The following RNF144B variants were observed in gnomAD, a reference collection of about 807,000 sequenced individuals.
The protein encoded by RNF144B is ring finger protein 144B.
A neutral mutation model predicts 40.2 loss-of-function variants in RNF144B; 25 were observed. The ratio of observed to expected loss-of-function variants is 0.62; its 90% CI spans 0.45 to 0.87. The LOEUF (loss-of-function observed/expected upper bound fraction) is 0.87. Among genes scored for constraint, RNF144B ranks in the 40% least tolerant of loss-of-function variants. The pLI is 0.00. For synonymous variants in RNF144B, 145 were observed against 136.3 expected, an observed-to-expected ratio of 1.06 and a Z score of -0.44; for missense variants, 365 against 373.7, an observed-to-expected ratio of 0.98 and a Z score of 0.19.
intron 4 of RNF144B, among the ~76,000 whole-genome samples, chr6:18,454,382 G>A (rs747522735): frequency 5.3e-5 from 8 of 152,182 alleles, no homozygotes; most frequent in Non-Finnish European, 7.3e-5. Context: ...TTGAATAGAC[G>A]CTCTACAGAG....
Position 18,412,250 on chromosome 6 carries a change from C to T in RNF144B, c.165+12551C>T, listed in dbSNP as rs375900005. Among the ~76,000 whole-genome samples the T allele has an allele frequency of 1.1e-3, 169 of 152,188 alleles. No homozygotes were observed. The highest frequency in any genetic ancestry group is 3.5e-3 in the African/African-American group (147 of 41,494). ...AACAGAGGCCTCTCTTTTGACACTC[C>T]GGGTATTTTCCAACTTTTCACCTTC... On this transcript the variant is annotated intron_variant, in intron 2 of 7. Transcript: ENST00000259939. This position sits in a 1 kb window ranked among gnomAD's most constrained non-coding sequence, Gnocchi z 4.2.
Position 18,464,292 on chromosome 6 carries a change from TAGAG to T in RNF144B, c.772-628_772-625del, listed in dbSNP as rs1759528615. ...TTTGAGCTAGTTGAGGAAATTCAAG[TAGAG>T]AGAGAGCACCAATACCAATAATTCA... On this transcript the variant is annotated intron_variant, in intron 7 of 7. Coordinates refer to ENST00000259939, the MANE Select transcript of RNF144B (RefSeq NM_182757.4). This position sits in a 1 kb window ranked among gnomAD's most constrained non-coding sequence, Gnocchi z 6.1. Among the ~76,000 whole-genome samples, 1 of 152,184 alleles carries T rather than the reference TAGAG, an allele frequency of 6.6e-6. No homozygotes were observed. Among genetic ancestry groups the T allele is most frequent in the Non-Finnish European group, 1.5e-5 (1 of 68,024 alleles).
In RNF144B at chr6:18,457,187, C is replaced by T. The variant is rs1359412039; in HGVS notation, c.364C>T (p.Pro122Ser). 1 of 1,614,032 alleles carries T rather than the reference C, an allele frequency of 6.2e-7. No individual in the cohort carries two copies. Among genetic ancestry groups the T allele is most frequent in the South Asian group, 1.1e-5 (1 of 91,072 alleles). Residue 122 changes from proline to serine, a missense_variant, in exon 5 of 8, where the codon CCT becomes TCT. By Grantham distance (74) the Pro-to-Ser change is moderately conservative. Transcript: ENST00000259939. This position sits in a 1 kb window ranked among gnomAD's most constrained non-coding sequence, Gnocchi z 5.1. ...TCTGGACCCCTACCGAACATGGTGT[C>T]CTGTTGCAGACTGTCAGACAGTGTG... ...VHLDPYRTWCPVADCQTVCPV... is the reference protein window; with the variant it reads ...VHLDPYRTWCSVADCQTVCPV...
At chr6:18,424,648 C>G (rs116642342) in intron 2 of RNF144B, among the ~76,000 whole-genome samples, 2,489 of 152,290 alleles carry the variant, frequency 0.016, 36 homozygotes, top group Non-Finnish European at 0.029. Context: ...CCATTATAAG[C>G]TCTTGGGAAG....
At chr6:18,449,004 A>G (rs1173634331) in intron 4 of RNF144B, among the ~76,000 whole-genome samples, 1 of 152,200 alleles carries the variant, frequency 6.6e-6, no homozygotes, top group African/African-American at 2.4e-5. Context: ...TACAGTGTCT[A>G]TTCAATCTTG....
rs574075342 is a variant in RNF144B, at chr6:18,459,263, C to T, written c.537-344C>T. 3.9e-5 allele frequency among the ~76,000 whole-genome samples: 6 copies of T among 152,292 alleles called. No homozygotes were observed. Among genetic ancestry groups the T allele is most frequent in the East Asian group, 1.9e-4 (1 of 5,184 alleles). ...AACAGACCATTAGATAGATTATATA[C>T]GCCCAGTTTGGACCCTGACCTAGTT... is the stretch of plus-strand genomic sequence containing the variant. On this transcript the variant is annotated intron_variant, in intron 5 of 7. Transcript: ENST00000259939. The surrounding 1 kb of genome is among the most constrained non-coding windows in gnomAD (Gnocchi z 4.2).
At position 18,457,920 on chromosome 6, in the gene RNF144B, A is replaced by G. The variant is rs1759366067; in HGVS notation, c.536+561A>G. On this transcript the variant is annotated intron_variant, in intron 5 of 7. Transcript: ENST00000259939. This position sits in a 1 kb window ranked among gnomAD's most constrained non-coding sequence, Gnocchi z 5.1. Reference sequence around the variant, plus strand: ...GAAGCAATTAAATCTGTACCTTTTTAGTACAGCGGGTTTTTTTTTGTTTTG... The same window carrying G: ...GAAGCAATTAAATCTGTACCTTTTTGGTACAGCGGGTTTTTTTTTGTTTTG... 6.6e-6 allele frequency among the ~76,000 whole-genome samples: 1 copy of G among 151,872 alleles called. No homozygotes were observed. The highest frequency in any genetic ancestry group is 2.1e-4 in the South Asian group (1 of 4,814).
chr6:18,413,129 G>A (rs1795079801), intron 2 of RNF144B, among the ~76,000 whole-genome samples: 1 of 152,138 alleles, frequency 6.6e-6, no homozygotes, highest in Non-Finnish European at 1.5e-5. Flanking sequence ...CTACATCATA[G>A]TGTCGTTTGG....
rs1009650146 is a variant in RNF144B at position 18,458,078 on chromosome 6, C to T, written c.536+719C>T. 1.8e-4 allele frequency among the ~76,000 whole-genome samples: 27 copies of T among 152,088 alleles called. No individual in the cohort carries two copies. The highest frequency in any genetic ancestry group is 3.7e-4 in the Non-Finnish European group (25 of 68,020). On this transcript the variant is annotated intron_variant, in intron 5 of 7. Transcript: ENST00000259939. This position sits in a 1 kb window ranked among gnomAD's most constrained non-coding sequence, Gnocchi z 4.8. ...TCAGCCTCCCGATTAGCTGGGATTG[C>T]AGGCACTTGCCACCACGCCTGGCTA...
rs1758528160 is a variant in RNF144B at position 18,425,364 on chromosome 6, G to A, written c.166-2217G>A. On this transcript the variant is annotated intron_variant, in intron 2 of 7. Transcript: ENST00000259939. The surrounding 1 kb of genome is among the most constrained non-coding windows in gnomAD (Gnocchi z 4.2). ...CAGTAACAATGGAACAGGTGTGGCT[G>A]ATGGAAGGCTGAGATGTCCTCAGCA... Among the ~76,000 whole-genome samples, 1 of 152,186 alleles carries A rather than the reference G, an allele frequency of 6.6e-6. No homozygotes were observed.
chr6:18,458,957 A>G lies in RNF144B; in HGVS notation c.537-650A>G, dbSNP rs1386956199. On this transcript the variant is annotated intron_variant, in intron 5 of 7. Coordinates refer to ENST00000259939, the MANE Select transcript of RNF144B (RefSeq NM_182757.4). This position sits in a 1 kb window ranked among gnomAD's most constrained non-coding sequence, Gnocchi z 4.8. ...ATGCTCAACCTGTAATAACTGTCTT[A>G]TGACAATATGAGGTTATTGTTCATA... Among the ~76,000 whole-genome samples the G allele has an allele frequency of 6.6e-6, 1 of 152,200 alleles. No individual in the cohort carries two copies. The highest frequency in any genetic ancestry group is 1.5e-5 in the Non-Finnish European group (1 of 68,044).
chr6:18,392,440 C>G (rs1252113536), intron 1 of RNF144B, among the ~76,000 whole-genome samples: 1 of 152,114 alleles, frequency 6.6e-6, no homozygotes, highest in Non-Finnish European at 1.5e-5. Context: ...AGATGCTTCT[C>G]CTTCCTGATG....
At chr6:18,397,367 G>A (rs1301115766) in intron 1 of RNF144B, among the ~76,000 whole-genome samples, 1 of 152,118 alleles carries the variant, frequency 6.6e-6, no homozygotes, top group Non-Finnish European at 1.5e-5. Flanking sequence ...TTCTTGTAGG[G>A]GGAGGTGTAT....
intron 3 of RNF144B, among the ~76,000 whole-genome samples, chr6:18,436,248 A>C (rs1461243195): frequency 6.6e-6 from 1 of 152,178 alleles, no homozygotes; most frequent in Non-Finnish European, 1.5e-5. Context: ...CTTCAAACTC[A>C]TCAAAGTCAC....
Position 18,452,355 on chromosome 6 carries a change from A to C in RNF144B, c.332-4800A>C, listed in dbSNP as rs1311544211. On this transcript the variant is annotated intron_variant, in intron 4 of 7. Coordinates refer to ENST00000259939, the MANE Select transcript of RNF144B (RefSeq NM_182757.4). ...GCCGATTCTGTGCTCCTTCCCCCAA[A>C]TTAAGGCATGTGCACAATAGAAGGT... Among the ~76,000 whole-genome samples, 3 of 152,134 alleles carry C rather than the reference A, an allele frequency of 2.0e-5. No individual in the cohort carries two copies. The East Asian group carries it at 5.8e-4, about 29-fold the overall frequency.
rs1409780620 is a variant in RNF144B, at chr6:18,434,660, C to T, written c.271-5024C>T. Among the ~76,000 whole-genome samples, 3 of 152,100 alleles carry T rather than the reference C, an allele frequency of 2.0e-5. No individual in the cohort carries two copies. The highest frequency in any genetic ancestry group is 2.1e-4 in the South Asian group (1 of 4,822). On this transcript the variant is annotated intron_variant, in intron 3 of 7. Coordinates refer to ENST00000259939, the MANE Select transcript of RNF144B (RefSeq NM_182757.4). This position sits in a 1 kb window ranked among gnomAD's most constrained non-coding sequence, Gnocchi z 4.1. Reference sequence around the variant, plus strand: ...TTTTTTAGACAGAGTCTTGCTCTGTCGCCCAGGCTGGAATGCAGTGGTGCG... The same window carrying T: ...TTTTTTAGACAGAGTCTTGCTCTGTTGCCCAGGCTGGAATGCAGTGGTGCG...
Position 18,419,515 on chromosome 6 carries a change from T to C in RNF144B, c.166-8066T>C, listed in dbSNP as rs143226858. Among the ~76,000 whole-genome samples the C allele has an allele frequency of 2.0e-5, 3 of 152,160 alleles. No individual in the cohort carries two copies. Among genetic ancestry groups the C allele is most frequent in the Non-Finnish European group, 4.4e-5 (3 of 68,006 alleles). ...TTGAGTTGAGGAAAATGCAGAAGAT[T>C]GAGAAAGAGTGACTAGAGAGGAAGA... On this transcript the variant is annotated intron_variant, in intron 2 of 7. Coordinates refer to ENST00000259939, the MANE Select transcript of RNF144B (RefSeq NM_182757.4). The surrounding 1 kb of genome is among the most constrained non-coding windows in gnomAD (Gnocchi z 4.6).
At chr6:18,413,068 A>T (rs1251404665) in intron 2 of RNF144B, among the ~76,000 whole-genome samples, 2 of 152,232 alleles carry the variant, frequency 1.3e-5, no homozygotes, top group Non-Finnish European at 2.9e-5. Context: ...CAGTTTACAG[A>T]TAAACCAATT....
intron 3 of RNF144B, among the ~76,000 whole-genome samples, chr6:18,437,356 T>C (rs1353576361): frequency 6.6e-6 from 1 of 152,066 alleles, no homozygotes; most frequent in African/African-American, 2.4e-5. Context: ...GGAGGATTGC[T>C]TGAGCCCGGG....
Sources: gnomAD v4.1 joint callset for allele counts (sites outside exome capture counted in the v4.1 genomes callset) on GRCh38, gnomAD v4.1.1 for gene constraint, Gnocchi (gnomAD v3.1) non-coding constraint, MANE v1.5 for transcripts, NCBI Gene and HGNC (gene_info 2026-07-23, HGNC 2026-07-21) for gene names.